ERCC6L2: variants seen among roughly 807,000 people sequenced by gnomAD.
ERCC6L2 encodes the protein ERCC excision repair 6 like 2.
In ERCC6L2, 77 loss-of-function variants were observed where a neutral mutation model predicts 132.0. The ratio of observed to expected loss-of-function variants is 0.58; its 90% CI spans 0.49 to 0.71. ERCC6L2 has a LOEUF of 0.71. Among genes scored for constraint, ERCC6L2 ranks in the 30% least tolerant of loss-of-function variants. ERCC6L2 has a pLI of 0.00. For missense variants in ERCC6L2, 1,542 were observed against 1,837.6 expected, an observed-to-expected ratio of 0.84 and a Z score of 2.94; for synonymous variants, 583 against 632.4, an observed-to-expected ratio of 0.92 and a Z score of 1.17.
chr9:95,953,079 G>T (rs1265876857), intron 12 of ERCC6L2, among the ~76,000 whole-genome samples: 1 of 152,186 alleles, frequency 6.6e-6, no homozygotes, highest in African/African-American at 2.4e-5. Context: ...GGGGACTGGA[G>T]AATGGGGAGT....
intron 17 of ERCC6L2, among the ~76,000 whole-genome samples, chr9:95,996,504 C>T (rs1348532132): frequency 6.6e-6 from 1 of 152,186 alleles, no homozygotes; most frequent in Non-Finnish European, 1.5e-5. Context: ...AAGATGTTAC[C>T]TAGGATTTTC....
intron 13 of ERCC6L2, among the ~76,000 whole-genome samples, chr9:95,960,542 C>T (rs1237271479): frequency 6.6e-6 from 1 of 152,126 alleles, no homozygotes; most frequent in Non-Finnish European, 1.5e-5. Flanking sequence ...AATGTAACCA[C>T]AGAGGCATTG....
At chr9:95,902,884 C>T (rs1232162901) in intron 3 of ERCC6L2, among the ~76,000 whole-genome samples, 2 of 151,992 alleles carry the variant, frequency 1.3e-5, no homozygotes, top group African/African-American at 4.8e-5. Flanking sequence ...ACGATATATC[C>T]TGGAATCTAA....
intron 16 of ERCC6L2, among the ~76,000 whole-genome samples, chr9:95,973,950 T>TA (rs1588006232): frequency 6.6e-6 from 1 of 152,182 alleles, no homozygotes; most frequent in African/African-American, 2.4e-5. Flanking sequence ...TCCATGCAGT[T>TA]AAACATGTTC....
intron 18 of ERCC6L2, among the ~76,000 whole-genome samples, chr9:96,008,189 C>T (rs563252333): frequency 2.0e-5 from 3 of 152,236 alleles, no homozygotes; most frequent in African/African-American, 7.2e-5. Context: ...TGTTCTCGAT[C>T]GCCTCCAAGA....
At chr9:95,962,252 G>T (rs1831939458) in intron 13 of ERCC6L2, among the ~76,000 whole-genome samples, 1 of 149,202 alleles carries the variant, frequency 6.7e-6, no homozygotes, top group Non-Finnish European at 1.5e-5. Context: ...GAGGTGTTTT[G>T]GGGGGGTTGG....
At chr9:96,035,886 G>A (rs1269137966) in intron 19 of ERCC6L2, among the ~76,000 whole-genome samples, 1 of 152,200 alleles carries the variant, frequency 6.6e-6, no homozygotes, top group East Asian at 1.9e-4. Context: ...AGGAGAAGCT[G>A]AGCCAGGGCA....
intron 17 of ERCC6L2, among the ~76,000 whole-genome samples, chr9:95,980,525 A>T (rs1330106526): frequency 6.6e-6 from 1 of 152,180 alleles, no homozygotes; most frequent in Non-Finnish European, 1.5e-5. Flanking sequence ...TTTCATTCTA[A>T]CATTTCAAAG....
At chr9:96,025,120 CTT>C (rs1418894193) in intron 19 of ERCC6L2, among the ~76,000 whole-genome samples, 5 of 152,154 alleles carry the variant, frequency 3.3e-5, no homozygotes, top group African/African-American at 1.2e-4. Context: ...TAGTAGAACT[CTT>C]TTGTTGAAAA....
At position 95,916,568 on chromosome 9, in the gene ERCC6L2, C is replaced by G. The variant is rs374446839; in HGVS notation, c.1158+134C>G. ...TTATTCTGTATGGAAAAAATTGTTGCGCGCAGAATTTCAGAAACCATTGAT... is the reference window on the plus strand; with the variant it reads ...TTATTCTGTATGGAAAAAATTGTTGGGCGCAGAATTTCAGAAACCATTGAT... On this transcript the variant is annotated intron_variant, in intron 6 of 18. Coordinates refer to ENST00000653738, the MANE Select transcript of ERCC6L2 (RefSeq NM_020207.7). 317 of 647,494 alleles carry G rather than the reference C, an allele frequency of 4.9e-4. 2 individuals are homozygous for G. The African/African-American group carries it at 5.6e-3, about 12-fold the overall frequency. The allele number at this position is 647,494 out of a possible 1,614,324, so 40.1% of individuals were successfully genotyped here.
rs560188182 is a variant in ERCC6L2, at chr9:95,881,255, A to G, written c.433A>G (p.Ile145Val). Residue 145 changes from isoleucine to valine, a missense_variant, in exon 2 of 19, where the codon ATT (isoleucine) becomes GTT (valine). Physicochemically the swap from Ile to Val is conservative, Grantham distance 29. Transcript: ENST00000653738. Reference protein sequence around the residue: ...YGHYIHGGGCILGDDMGLGKT... With the variant: ...YGHYIHGGGCVLGDDMGLGKT... ...ACACTACATCCATGGAGGAGGGTGCATTCTGGGTGATGACATGGGACTTGG... is the reference window on the plus strand; with the variant it reads ...ACACTACATCCATGGAGGAGGGTGCGTTCTGGGTGATGACATGGGACTTGG... 1 of 1,577,628 alleles carries G rather than the reference A, an allele frequency of 6.3e-7. No individual in the cohort carries two copies. The highest frequency in any genetic ancestry group is 1.2e-5 in the South Asian group (1 of 84,824).
At chr9:96,020,731 A>C (rs944869432), downstream of ERCC6L2, 4 of 455,660 alleles carry the variant, frequency 8.8e-6, no homozygotes, top group Non-Finnish European at 1.3e-5. Context: ...TTTGCGCTGG[A>C]GTCCTCAGAA....
intron 3 of ERCC6L2, among the ~76,000 whole-genome samples, chr9:95,901,307 T>C (rs1828764903): frequency 6.6e-6 from 1 of 152,128 alleles, no homozygotes; most frequent in African/African-American, 2.4e-5. Flanking sequence ...ACTTTTTTAA[T>C]TGATGAAATT....
chr9:96,009,222 G>A (rs561291712), intron 18 of ERCC6L2, among the ~76,000 whole-genome samples: 121 of 152,336 alleles, frequency 7.9e-4, no homozygotes, highest in Middle Eastern at 6.8e-3. Context: ...TGACAGACTC[G>A]TCAGCTTCGT....
chr9:95,899,145 T>TA (rs898867655), intron 3 of ERCC6L2, among the ~76,000 whole-genome samples: 2 of 151,930 alleles, frequency 1.3e-5, no homozygotes, highest in African/African-American at 2.4e-5. Context: ...TAAAGATATT[T>TA]AAAATATTAT....
chr9:95,911,511 A>T (rs902992448), intron 4 of ERCC6L2, among the ~76,000 whole-genome samples: 6 of 152,104 alleles, frequency 3.9e-5, no homozygotes, highest in African/African-American at 1.4e-4. Context: ...TATTTATAAG[A>T]TTAGAGGAAT....
intron 2 of ERCC6L2, among the ~76,000 whole-genome samples, chr9:95,885,577 T>A (rs1171086769): frequency 6.6e-6 from 1 of 152,168 alleles, no homozygotes; most frequent in East Asian, 1.9e-4. Context: ...TGAATCCCTT[T>A]TGTACATTTA....
In ERCC6L2 at chr9:96,015,518, G is replaced by A. The variant is rs1037265038; in HGVS notation, c.*2315G>A. 2.2e-4 allele frequency among the ~76,000 whole-genome samples: 33 copies of A among 151,672 alleles called. No individual in the cohort carries two copies. Among genetic ancestry groups the A allele is most frequent in the African/African-American group, 6.0e-4 (25 of 41,456 alleles). On this transcript the variant is annotated 3_prime_UTR_variant, in exon 19 of 19. Coordinates refer to ENST00000653738, the MANE Select transcript of ERCC6L2 (RefSeq NM_020207.7). ...ATGCTATTAAAGAAACTTTTAGGCC[G>A]GGCACAGTGGCTCACGCCTGTAATC...
intron 17 of ERCC6L2, among the ~76,000 whole-genome samples, chr9:95,980,846 G>C (rs1428149160): frequency 6.6e-6 from 1 of 152,136 alleles, no homozygotes. Context: ...TCTTGATCCT[G>C]AAGTCTCCAA....
Sources: allele counts gnomAD v4.1 joint callset (sites outside exome capture counted in the v4.1 genomes callset), GRCh38; gene constraint gnomAD v4.1.1; transcripts MANE v1.5; gene names NCBI Gene and HGNC (gene_info 2026-07-23, HGNC 2026-07-21).